The following SEMA4B variants were observed in gnomAD, a reference collection of about 807,000 sequenced individuals.
The protein encoded by SEMA4B is semaphorin 4B.
SEMA4B carries 55 observed loss-of-function variants against 88.1 expected under a neutral mutation model. The ratio of observed to expected loss-of-function variants is 0.62; its 90% CI spans 0.50 to 0.78. The LOEUF is 0.78. Among genes scored for constraint, SEMA4B ranks in the 30% least tolerant of loss-of-function variants. The probability of loss-of-function intolerance (pLI) is 0.00; values close to 1 mark genes in which losing one functional copy is unlikely to be tolerated. For missense variants in SEMA4B, 1,062 were observed against 1,111.9 expected (o/e 0.96, Z 0.64); for synonymous variants, 525 against 473.6 (o/e 1.11, Z -1.41).
intron 1 of SEMA4B, among the ~76,000 whole-genome samples, chr15:90,188,909 T>C (rs962964236): frequency 6.6e-6 from 1 of 151,994 alleles, no homozygotes; most frequent in Admixed American, 6.6e-5. Flanking sequence ...GACCTCGTGA[T>C]CCGCCCGCCT....
In SEMA4B at chr15:90,228,694, G is replaced by T. The variant is rs200871623; in HGVS notation, c.*51G>T. On this transcript the variant is annotated 3_prime_UTR_variant, in exon 14 of 14. Coordinates refer to ENST00000411539, the MANE Select transcript of SEMA4B (RefSeq NM_198925.4). ...CTGGCTTCAGGGGCTGTGAATGCTC[G>T]GAGAGGGTCAACTGGACCTCCCCTC... 39 of 1,606,992 alleles carry T rather than the reference G, an allele frequency of 2.4e-5. No individual in the cohort carries two copies. In the South Asian group the frequency reaches 3.6e-4, roughly 15 times the overall value.
At chr15:90,214,574 G>A (rs903117812) in intron 1 of SEMA4B, among the ~76,000 whole-genome samples, 6 of 148,338 alleles carry the variant, frequency 4.0e-5, no homozygotes, top group African/African-American at 1.0e-4. Flanking sequence ...CGGAGGTTGC[G>A]GTGAGCCAAG....
chr15:90,185,607 G>A (rs539322687), intron 1 of SEMA4B, among the ~76,000 whole-genome samples: 1 of 152,172 alleles, frequency 6.6e-6, no homozygotes, highest in South Asian at 2.1e-4. Context: ...GGAGCCCTGG[G>A]TCATCTCGGG....
chr15:90,203,726 C>T (rs1960855041), intron 1 of SEMA4B, among the ~76,000 whole-genome samples: 1 of 152,116 alleles, frequency 6.6e-6, no homozygotes, highest in Admixed American at 6.6e-5. Context: ...ACCAAGGTGC[C>T]CAGCTGAGGG....
intron 1 of SEMA4B, among the ~76,000 whole-genome samples, chr15:90,215,477 C>T (rs1221312000): frequency 6.6e-6 from 1 of 152,126 alleles, no homozygotes; most frequent in South Asian, 2.1e-4. Context: ...TAATTCGTGT[C>T]TTTCCTTGTT....
chr15:90,221,217 G>T (rs1961819704), intron 5 of SEMA4B, 124 bp downstream of exon 5: 1 of 1,097,464 alleles, frequency 9.1e-7, no homozygotes. Context: ...AATGGCCAGG[G>T]GCTTGCCTTG....
intron 1 of SEMA4B, among the ~76,000 whole-genome samples, chr15:90,186,241 A>C (rs1046266873): frequency 2.6e-5 from 4 of 151,794 alleles, no homozygotes; most frequent in African/African-American, 9.7e-5. Context: ...GCCTTTTTGG[A>C]GATTATACCT....
Position 90,225,128 on chromosome 15 carries a change from A to G in SEMA4B, c.1355A>G (p.His452Arg). 1 of 1,613,294 alleles carries G rather than the reference A, an allele frequency of 6.2e-7. No homozygotes were observed. Among genetic ancestry groups the G allele is most frequent in the East Asian group, 2.2e-5 (1 of 44,866 alleles). ...PQARYQRVAVHRVPGLHHTYD... is the reference protein window; with the variant it reads ...PQARYQRVAVRRVPGLHHTYD... The stretch of plus-strand genomic sequence containing the variant: ...GCTCGCTACCAGCGCGTGGCTGTAC[A>G]CCGCGTCCCTGGCCTGCACCACACC... The change falls in exon 10 of 14, where the codon CAC becomes CGC. Residue 452 changes from histidine (H) to arginine (R), a missense_variant. Physicochemically the swap from His to Arg is conservative, Grantham distance 29 (BLOSUM62 0). Coordinates refer to ENST00000411539, the MANE Select transcript of SEMA4B (RefSeq NM_198925.4).
intron 1 of SEMA4B, 110 bp downstream of exon 1, chr15:90,201,845 C>T: frequency 9.0e-7 from 1 of 1,108,982 alleles, no homozygotes; most frequent in Non-Finnish European, 1.2e-6. Flanking sequence ...CTGTCGGAGG[C>T]ACGGGATCCA....
upstream of SEMA4B, among the ~76,000 whole-genome samples, chr15:90,196,827 C>A (rs1207654777): frequency 1.3e-5 from 2 of 152,140 alleles, no homozygotes; most frequent in Non-Finnish European, 1.5e-5. Context: ...TAAAGAAAAG[C>A]TTCCTTTTCA....
intron 9 of SEMA4B, 102 bp from the exon 10 acceptor site, chr15:90,224,866 C>CG: frequency 6.3e-6 from 6 of 951,422 alleles, no homozygotes; most frequent in South Asian, 1.4e-5. Flanking sequence ...TGGCTCCGGG[C>CG]GGGGGGACAG....
In SEMA4B at chr15:90,220,468, C is replaced by T. The variant is rs62019256; in HGVS notation, c.484-514C>T. On this transcript the variant is annotated intron_variant, in intron 4 of 13. Transcript: ENST00000411539. ...CTGCAAGCTCTGCCTCCTGGGTTCA[C>T]GCCATTCTCCTGCCTCAGCCTCCCG... Among the ~76,000 whole-genome samples the T allele has an allele frequency of 4.8e-4, 71 of 148,472 alleles. 1 individual carries two copies. Among genetic ancestry groups the T allele is most frequent in the Admixed American group, 1.1e-3 (17 of 14,818 alleles).
At position 90,228,722 on chromosome 15, in the gene SEMA4B, C is replaced by G. The variant is rs1962341542; in HGVS notation, c.*79C>G. ...GAGGGTCAACTGGACCTCCCCTCCG[C>G]TCTGCTCTTCGTGGAACACGACCGT... On this transcript the variant is annotated 3_prime_UTR_variant, in exon 14 of 14. Coordinates refer to ENST00000411539, the MANE Select transcript of SEMA4B (RefSeq NM_198925.4). 6.4e-7 allele frequency: 1 copy of G among 1,563,628 alleles called. No homozygotes were observed. The highest frequency in any genetic ancestry group is 8.7e-7 in the Non-Finnish European group (1 of 1,148,898).
Position 90,221,424 on chromosome 15 carries a change from C to A in SEMA4B, c.653C>A (p.Ser218Ter). The change falls in exon 6 of 14, where the codon TCG becomes TAG. Residue 218 changes from serine (S) to a stop codon, truncating the protein, a stop_gained. Coordinates refer to ENST00000411539, the MANE Select transcript of SEMA4B (RefSeq NM_198925.4). LOFTEE classifies it high-confidence loss of function. ...SSFQGNDPAI[S>*]RSQSLRPTKT... ...TTCCAAGGGAATGACCCGGCCATCT[C>A]GCGGAGCCAAAGCCTTCGCCCCACC... 1 of 1,583,568 alleles carries A rather than the reference C, an allele frequency of 6.3e-7. No homozygotes were observed. The highest frequency in any genetic ancestry group is 8.6e-7 in the Non-Finnish European group (1 of 1,165,678).
Position 90,219,757 on chromosome 15 carries a change from G to A in SEMA4B, c.385-36G>A, listed in dbSNP as rs761528668. ...CGGTGCCCCCTGGTGGCATGCTTGG[G>A]CGTGGGACTGATATCCCCTCGCTCC... On this transcript the variant is annotated intron_variant, in intron 3 of 13. Transcript: ENST00000411539. 11 of 1,553,830 alleles carry A rather than the reference G, an allele frequency of 7.1e-6. No individual in the cohort carries two copies. In the Admixed American group the frequency reaches 1.5e-4, roughly 22 times the overall value.
rs1281138288 is a variant in SEMA4B, at chr15:90,212,774, C to T, written c.158-4665C>T. Among the ~76,000 whole-genome samples the T allele has an allele frequency of 6.6e-6, 1 of 152,238 alleles. No homozygotes were observed. The highest frequency in any genetic ancestry group is 1.5e-5 in the Non-Finnish European group (1 of 68,032). ...TAACACCACTCACACCGAGCACAGA[C>T]CAGCTCGCGCCCACAACACGAGCCT... is the stretch of plus-strand genomic sequence containing the variant. On this transcript the variant is annotated intron_variant, in intron 1 of 13. Transcript: ENST00000411539. This position sits in a 1 kb window ranked among gnomAD's most constrained non-coding sequence, Gnocchi z 4.0.
intron 1 of SEMA4B, chr15:90,206,464 T>A (rs765066019): frequency 3.8e-6 from 1 of 260,272 alleles, no homozygotes; most frequent in African/African-American, 2.2e-5. Context: ...TAAGATAAGA[T>A]AATTAAAAGC....
At chr15:90,222,254 C>CG (rs1961898505) in intron 7 of SEMA4B, among the ~76,000 whole-genome samples, 1 of 68,842 alleles carries the variant, frequency 1.5e-5, no homozygotes, top group Non-Finnish European at 2.8e-5. Flanking sequence ...TTTTTCTTTT[C>CG]TTTTTTTTTT....
At chr15:90,209,907 G>T (rs948525594) in intron 1 of SEMA4B, among the ~76,000 whole-genome samples, 1 of 152,192 alleles carries the variant, frequency 6.6e-6, no homozygotes, top group African/African-American at 2.4e-5. Context: ...GCAAGCACTA[G>T]CAAGTTAGGA....
Sources: allele counts gnomAD v4.1 joint callset (sites outside exome capture counted in the v4.1 genomes callset), GRCh38; gene constraint gnomAD v4.1.1; non-coding constraint Gnocchi (gnomAD v3.1); transcripts MANE v1.5; gene names NCBI Gene and HGNC (gene_info 2026-07-23, HGNC 2026-07-21).